Variants in XRCC1 observed in about 807,000 individuals in gnomAD.
XRCC1 encodes the protein DNA repair protein XRCC1.
XRCC1 carries 52 observed loss-of-function variants against 83.3 expected under a neutral mutation model. That is an observed-to-expected ratio of 0.62 (90% CI 0.50 to 0.79). The LOEUF is 0.79. XRCC1 is among the 30% of genes least tolerant of loss of function. The probability of loss-of-function intolerance (pLI) is 0.00; values close to 1 mark genes in which losing one functional copy is unlikely to be tolerated. For synonymous variants in XRCC1, 281 were observed against 312.6 expected (o/e 0.90, Z 1.07); for missense variants, 793 against 823.5 (o/e 0.96, Z 0.45).
rs902621955 is a variant in XRCC1, at chr19:43,553,799, T to C, written c.415-116A>G. ...GCTCCTTCCCTCTCATGAACACCCA[T>C]GTTGAAGGAGGGGCCCTGGCGATGG... On this transcript the variant is annotated intron_variant, in intron 4 of 16. Transcript: ENST00000262887. 15 of 823,918 alleles carry C rather than the reference T, an allele frequency of 1.8e-5. No individual in the cohort carries two copies. In the African/African-American group the frequency reaches 2.4e-4, roughly 13 times the overall value. 51.0% of individuals were successfully genotyped at this position (823,918 alleles called of 1,614,324 possible).
At chr19:43,561,049 G>T (rs1490081788) in intron 2 of XRCC1, 29 bp from the exon 3 acceptor site, 1 of 1,549,822 alleles carries the variant, frequency 6.5e-7, no homozygotes, top group Non-Finnish European at 8.9e-7. Context: ...GCCACTGTCA[G>T]TGCCTGCTCT....
At chr19:43,554,463 G>T (rs1972614613) in intron 4 of XRCC1, among the ~76,000 whole-genome samples, 183 bp downstream of exon 4, 1 of 151,840 alleles carries the variant, frequency 6.6e-6, no homozygotes, top group Non-Finnish European at 1.5e-5. Context: ...TCCGGGAGAT[G>T]AAACTTCTCA....
rs1433305194 is a variant in XRCC1, at chr19:43,554,627, T to TAC, written c.414+18_414+19insGT. The TAC allele has an allele frequency of 6.2e-7, 1 of 1,600,384 alleles. No individual in the cohort carries two copies. Among genetic ancestry groups the TAC allele is most frequent in the Admixed American group, 1.7e-5 (1 of 58,518 alleles). On this transcript the variant is annotated intron_variant, in intron 4 of 16. Coordinates refer to ENST00000262887, the MANE Select transcript of XRCC1 (RefSeq NM_006297.3). ...GCCCAGGACCAAGGACTCTGCACCCTGGCTCCCACCCTAGGTACCTTGCTG... is the reference window on the plus strand; with the variant it reads ...GCCCAGGACCAAGGACTCTGCACCCTACGGCTCCCACCCTAGGTACCTTGCTG...
chr19:43,558,954 T>C (rs1200316588), intron 3 of XRCC1, among the ~76,000 whole-genome samples: 7 of 151,462 alleles, frequency 4.6e-5, no homozygotes, highest in South Asian at 2.1e-4. Flanking sequence ...CCAGGCAATG[T>C]AGTGAAACCC....
intron 2 of XRCC1, among the ~76,000 whole-genome samples, chr19:43,564,807 C>A (rs1244793143): frequency 7.2e-6 from 1 of 138,006 alleles, no homozygotes. Context: ...AAAAAAAAAA[C>A]ACACAAATTT....
intron 3 of XRCC1, among the ~76,000 whole-genome samples, chr19:43,559,210 G>A (rs993705844): frequency 6.6e-6 from 1 of 151,686 alleles, no homozygotes; most frequent in African/African-American, 2.4e-5. Context: ...AGGGCCGGGT[G>A]CGGTGGCTCA....
intron 14 of XRCC1, 134 bp from the exon 15 acceptor site, chr19:43,544,368 G>T: frequency 1.3e-6 from 1 of 750,380 alleles, no homozygotes; most frequent in Non-Finnish European, 2.2e-6. Flanking sequence ...GGCAGGCAGT[G>T]GACCCTGCCC....
intron 2 of XRCC1, among the ~76,000 whole-genome samples, chr19:43,562,374 C>A (rs1972708295): frequency 6.6e-6 from 1 of 152,048 alleles, no homozygotes; most frequent in Non-Finnish European, 1.5e-5. Flanking sequence ...CCAACCTGCA[C>A]AACCTTGGGT....
intron 15 of XRCC1, 132 bp downstream of exon 15, chr19:43,544,012 C>T: frequency 1.1e-6 from 1 of 905,640 alleles, no homozygotes; most frequent in Non-Finnish European, 1.7e-6. Flanking sequence ...TGACCTGTGC[C>T]CACCTGCTGG....
Position 43,545,931 on chromosome 19 carries a change from A to G in XRCC1, c.1508T>C (p.Leu503Pro), listed in dbSNP as rs1334496923. The G allele has an allele frequency of 1.9e-6, 3 of 1,613,912 alleles. No individual in the cohort carries two copies. The highest frequency in any genetic ancestry group is 4.5e-5 in the East Asian group (2 of 44,870). Residue 503 changes from leucine to proline, a missense_variant, in exon 14 of 17, where the codon CTG (leucine) becomes CCG (proline). By Grantham distance (98) the Leu-to-Pro change is moderately conservative. Coordinates refer to ENST00000262887, the MANE Select transcript of XRCC1 (RefSeq NM_006297.3). ...RRVAEQKEHR[L>P]PPGQEENGED... is the part of the protein sequence containing the mutation. The stretch of plus-strand genomic sequence containing the variant: ...CCCATTCTCCTCCTGGCCAGGGGGC[A>G]GTCTGTGTTCCTTCTGCTCTGCCAC...
intron 9 of XRCC1, 136 bp from the exon 10 acceptor site, chr19:43,551,823 AAG>A: frequency 6.0e-6 from 6 of 1,006,276 alleles, no homozygotes; most frequent in Non-Finnish European, 9.1e-6. Context: ...GAGAAACAAA[AAG>A]AGGTTGGAGA....
At chr19:43,574,316 T>G (rs2854505) in intron 2 of XRCC1, among the ~76,000 whole-genome samples, 24,539 of 152,130 alleles carry the variant, frequency 0.16, 2,071 homozygotes, top group Non-Finnish European at 0.19. Flanking sequence ...GCTCATGCAA[T>G]ACTCCAGCTT....
intron 2 of XRCC1, among the ~76,000 whole-genome samples, chr19:43,563,834 TAC>T (rs1012964432): frequency 7.2e-5 from 11 of 152,236 alleles, no homozygotes; most frequent in African/African-American, 2.7e-4. Flanking sequence ...TGCCTGGTGT[TAC>T]ACAGTTACAT....
At chr19:43,550,284 T>TA (rs34450115) in intron 10 of XRCC1, among the ~76,000 whole-genome samples, 10 of 148,870 alleles carry the variant, frequency 6.7e-5, no homozygotes, top group Non-Finnish European at 9.0e-5. Flanking sequence ...CTTAAGGGGA[T>TA]AAAAAAAAAA....
chr19:43,553,161 G>A, intron 6 of XRCC1, 70 bp from the exon 7 acceptor site: 1 of 1,465,500 alleles, frequency 6.8e-7, no homozygotes, highest in Non-Finnish European at 9.3e-7. Flanking sequence ...CTATCTATGG[G>A]ACACAGAATA....
intron 14 of XRCC1, 92 bp from the exon 15 acceptor site, chr19:43,544,326 A>C: frequency 8.8e-7 from 1 of 1,135,326 alleles, no homozygotes; most frequent in Non-Finnish European, 1.3e-6. Context: ...GCAGCTGAGG[A>C]GAGGGCTGTC....
At chr19:43,558,355 G>C (rs1027112491) in intron 3 of XRCC1, among the ~76,000 whole-genome samples, 1 of 151,802 alleles carries the variant, frequency 6.6e-6, no homozygotes, top group African/African-American at 2.4e-5. Flanking sequence ...GAGTAGGCCA[G>C]GTACACACAG....
At chr19:43,561,066 G>A (rs1972694343) in intron 2 of XRCC1, 46 bp from the exon 3 acceptor site, 1 of 1,487,392 alleles carries the variant, frequency 6.7e-7, no homozygotes, top group African/African-American at 1.4e-5. Context: ...CTCTGCCTCT[G>A]GGCTCACTGT....
chr19:43,573,415 A>C (rs1568519922), intron 2 of XRCC1, among the ~76,000 whole-genome samples: 1 of 152,188 alleles, frequency 6.6e-6, no homozygotes, highest in African/African-American at 2.4e-5. Flanking sequence ...AATTCCATTA[A>C]GTAAATCATA....
Sources: allele counts gnomAD v4.1 joint callset (sites outside exome capture counted in the v4.1 genomes callset), GRCh38; gene constraint gnomAD v4.1.1; transcripts MANE v1.5; gene names NCBI Gene and HGNC (gene_info 2026-07-23, HGNC 2026-07-21).